Variants in PIK3C2G observed in about 807,000 individuals in gnomAD.
PIK3C2G encodes the protein phosphatidylinositol 3-kinase C2 domain-containing subunit gamma.
A neutral mutation model predicts 181.1 loss-of-function variants in PIK3C2G; 168 were observed. That is an observed-to-expected ratio of 0.93 (90% confidence interval 0.82 to 1.05). The LOEUF (loss-of-function observed/expected upper bound fraction) is 1.05, where lower values mean the gene tolerates loss of function less well. Ranked by LOEUF, PIK3C2G falls within the 50% of genes least tolerant of loss-of-function variation. The probability of loss-of-function intolerance (pLI) is 0.00; values close to 1 mark genes in which losing one functional copy is unlikely to be tolerated. For synonymous variants in PIK3C2G, 573 were observed against 592.2 expected (o/e 0.97, Z 0.47); for missense variants, 1,869 against 1,732.8 (o/e 1.08, Z -1.40).
chr12:18,321,079 T>A (rs983980730), intron 7 of PIK3C2G, 47 bp downstream of exon 7: 5 of 940,702 alleles, frequency 5.3e-6, no homozygotes, highest in Non-Finnish European at 8.4e-6. Flanking sequence ...GATTGAGTTC[T>A]CAAATGTCAA....
chr12:18,608,235 C>T (rs1948153628), intron 30 of PIK3C2G, among the ~76,000 whole-genome samples: 1 of 152,076 alleles, frequency 6.6e-6, no homozygotes, highest in Admixed American at 6.6e-5. Context: ...ATAAATCATG[C>T]TGCTATAAAG....
chr12:18,623,719 T>C (rs1463819315), intron 31 of PIK3C2G, among the ~76,000 whole-genome samples: 1 of 151,780 alleles, frequency 6.6e-6, no homozygotes, highest in Non-Finnish European at 1.5e-5. Context: ...ATTTTTTCCA[T>C]TAATGTTTTA....
At chr12:18,478,845 C>G (rs1005829765) in intron 18 of PIK3C2G, among the ~76,000 whole-genome samples, 1 of 151,690 alleles carries the variant, frequency 6.6e-6, no homozygotes, top group Non-Finnish European at 1.5e-5. Context: ...CGTGGCGGCG[C>G]AAGCCTGTGG....
chr12:18,714,387 AAAACATGTTTGACAT>A, the PIK3C2G span, among the ~76,000 whole-genome samples: 1 of 152,310 alleles, frequency 6.6e-6, no homozygotes, highest in East Asian at 1.9e-4. Context: ...TTCAGTCCAT[AAAACATGTTTGACAT>A]AAACTGACTG....
intron 11 of PIK3C2G, among the ~76,000 whole-genome samples, chr12:18,354,397 G>A (rs554939285): frequency 3.9e-5 from 6 of 152,312 alleles, no homozygotes; most frequent in African/African-American, 1.4e-4. Flanking sequence ...AAGGGAGCTG[G>A]CTCCCCTGTG....
chr12:18,642,459 G>A lies in PIK3C2G; in HGVS notation c.4308+1905G>A, dbSNP rs567851903. On this transcript the variant is annotated intron_variant, in intron 32 of 32. Coordinates refer to ENST00000538779, the MANE Select transcript of PIK3C2G (RefSeq NM_001288772.2). ...TACTCTTTTTGTTATCCCATACTTA[G>A]CCATATTTTCAGATCACATCAGACA... Among the ~76,000 whole-genome samples, 8 of 152,228 alleles carry A rather than the reference G, an allele frequency of 5.3e-5. No homozygotes were observed. In the East Asian group the frequency reaches 1.5e-3, roughly 29 times the overall value.
At chr12:18,449,787 G>C (rs752525446) in intron 18 of PIK3C2G, among the ~76,000 whole-genome samples, 1 of 152,132 alleles carries the variant, frequency 6.6e-6, no homozygotes, top group Non-Finnish European at 1.5e-5. Context: ...CTTTATAGCA[G>C]AGTGATTTGT....
At chr12:18,680,737 G>C in the PIK3C2G span, among the ~76,000 whole-genome samples, 1 of 152,014 alleles carries the variant, frequency 6.6e-6, no homozygotes, top group Non-Finnish European at 1.5e-5. Flanking sequence ...GACACAACAT[G>C]GGAAGCCATA....
At chr12:18,624,927 C>T (rs752109444) in intron 31 of PIK3C2G, among the ~76,000 whole-genome samples, 1 of 151,518 alleles carries the variant, frequency 6.6e-6, no homozygotes, top group Non-Finnish European at 1.5e-5. Flanking sequence ...CTCTCTTTTT[C>T]TCCTGCTTAG....
upstream of PIK3C2G, among the ~76,000 whole-genome samples, chr12:18,261,266 G>C (rs1000917823): frequency 3.3e-5 from 5 of 152,120 alleles, no homozygotes; most frequent in African/African-American, 1.2e-4. Flanking sequence ...ATTTTCGTTT[G>C]TATATTGCTG....
chr12:18,289,087 A>G (rs1172088462), intron 3 of PIK3C2G, among the ~76,000 whole-genome samples: 1 of 152,222 alleles, frequency 6.6e-6, no homozygotes, highest in Non-Finnish European at 1.5e-5. Context: ...TTAAATGTAT[A>G]CATGCATAAT....
chr12:18,615,057 G>A (rs1948529733), intron 31 of PIK3C2G, among the ~76,000 whole-genome samples: 2 of 151,824 alleles, frequency 1.3e-5, no homozygotes, highest in Non-Finnish European at 2.9e-5. Flanking sequence ...AGATTTTGGT[G>A]CAATTCGTCA....
chr12:18,348,538 G>A (rs1332499531), intron 11 of PIK3C2G, among the ~76,000 whole-genome samples: 2 of 152,086 alleles, frequency 1.3e-5, no homozygotes, highest in Non-Finnish European at 2.9e-5. Context: ...GGGCTTTGAT[G>A]AAGGAAACAA....
chr12:18,343,795 A>T (rs1939381590), intron 10 of PIK3C2G, among the ~76,000 whole-genome samples: 1 of 152,114 alleles, frequency 6.6e-6, no homozygotes, highest in Admixed American at 6.6e-5. Flanking sequence ...TTGAAAGACC[A>T]AGCTAATATA....
At chr12:18,684,313 T>A in the PIK3C2G span, 1 of 1,561,516 alleles carries the variant, frequency 6.4e-7, no homozygotes, top group African/African-American at 1.4e-5. Context: ...CAAAGAATAA[T>A]AGATACCATA....
intron 31 of PIK3C2G, among the ~76,000 whole-genome samples, chr12:18,630,001 T>C (rs1949279876): frequency 1.3e-5 from 2 of 152,176 alleles, no homozygotes; most frequent in African/African-American, 4.8e-5. Context: ...CCTCATTGAC[T>C]CAGTCATTTA....
At chr12:18,431,596 G>C (rs1946161846) in intron 18 of PIK3C2G, among the ~76,000 whole-genome samples, 1 of 152,106 alleles carries the variant, frequency 6.6e-6, no homozygotes, top group Admixed American at 6.6e-5. Flanking sequence ...TTTGATGTCT[G>C]GAACACTCCC....
chr12:18,554,352 A>G (rs1195793800), intron 26 of PIK3C2G, among the ~76,000 whole-genome samples: 1 of 152,062 alleles, frequency 6.6e-6, no homozygotes, highest in Non-Finnish European at 1.5e-5. Flanking sequence ...ACATGCTTAT[A>G]GCTGTGTTTC....
At chr12:18,563,565 G>A in intron 28 of PIK3C2G, 67 bp downstream of exon 28, 3 of 1,467,534 alleles carry the variant, frequency 2.0e-6, no homozygotes, top group Admixed American at 1.8e-5. Flanking sequence ...GAAAAATTAT[G>A]GTTATGGGAT....
Sources: gnomAD v4.1 joint callset for allele counts (sites outside exome capture counted in the v4.1 genomes callset) on GRCh38, gnomAD v4.1.1 for gene constraint, MANE v1.5 for transcripts, NCBI Gene and HGNC (gene_info 2026-07-23, HGNC 2026-07-21) for gene names.